ACACA: variants seen among roughly 807,000 people sequenced by gnomAD.
The protein encoded by ACACA is acetyl-CoA carboxylase 1.
In ACACA, 103 loss-of-function variants were observed where a neutral mutation model predicts 296.1. That is an observed-to-expected ratio of 0.35 (90% confidence interval 0.30 to 0.41). The LOEUF is 0.41. ACACA is among the 10% of genes least tolerant of loss of function. ACACA has a pLI of 1.00. For synonymous variants in ACACA, 953 were observed against 1,038.6 expected (o/e 0.92, Z 1.58); for missense variants, 1,554 against 2,989.7 (o/e 0.52, Z 11.20).
chr17:37,108,737 G>C (rs1567669682), intron 52 of ACACA, among the ~76,000 whole-genome samples: 1 of 152,150 alleles, frequency 6.6e-6, no homozygotes, highest in Non-Finnish European at 1.5e-5. Context: ...GTTTGTCTAA[G>C]TGATCTGTGA....
chr17:37,390,175 T>TATATATATATATATATATACAC (rs60788220), intron 1 of ACACA, among the ~76,000 whole-genome samples: 4 of 44,504 alleles, frequency 9.0e-5, no homozygotes, highest in Non-Finnish European at 1.4e-4. Context: ...TATATATATA[T>TATATATATATATATATATACAC]ACACACACAC....
intron 52 of ACACA, among the ~76,000 whole-genome samples, chr17:37,105,864 C>CAAA (rs61529137): frequency 8.7e-6 from 1 of 115,520 alleles, no homozygotes. Context: ...AACTCTGTCT[C>CAAA]AAAAAAAAAA....
At chr17:37,275,805 T>C (rs1308659125) in intron 8 of ACACA, 146 bp downstream of exon 8, 3 of 743,630 alleles carry the variant, frequency 4.0e-6, no homozygotes, top group Non-Finnish European at 2.4e-6. Context: ...GGTGTATTAA[T>C]TAAGCTAGGA....
intron 26 of ACACA, chr17:37,225,623 T>G (rs1414069337): frequency 4.5e-5 from 8 of 176,926 alleles, no homozygotes; most frequent in Non-Finnish European, 7.2e-5. Context: ...GCAGAGAGAG[T>G]GAAAGCAGTG....
At chr17:37,114,395 T>C (rs535499963) in intron 50 of ACACA, among the ~76,000 whole-genome samples, 3 of 151,342 alleles carry the variant, frequency 2.0e-5, no homozygotes, top group African/African-American at 7.3e-5. Context: ...TAGCAAAACA[T>C]GGTGGCACAT....
intron 1 of ACACA, among the ~76,000 whole-genome samples, chr17:37,392,905 G>A (rs2050941268): frequency 6.6e-6 from 1 of 152,124 alleles, no homozygotes; most frequent in African/African-American, 2.4e-5. Flanking sequence ...CACTTTGGGA[G>A]GCCAAGGTGG....
chr17:37,152,091 G>A (rs1434673720), intron 43 of ACACA, among the ~76,000 whole-genome samples: 14 of 152,168 alleles, frequency 9.2e-5, no homozygotes, highest in African/African-American at 3.1e-4. Flanking sequence ...CACCGCGCCC[G>A]GCCAAGCAGA....
chr17:37,194,145 C>T (rs1160007490), intron 35 of ACACA, among the ~76,000 whole-genome samples: 5 of 151,822 alleles, frequency 3.3e-5, no homozygotes, highest in Non-Finnish European at 7.4e-5. Flanking sequence ...TGCCAAATAC[C>T]CCTGTTTCTC....
chr17:37,171,030 A>G (rs975160981), intron 41 of ACACA, among the ~76,000 whole-genome samples: 3 of 152,216 alleles, frequency 2.0e-5, no homozygotes, highest in Non-Finnish European at 4.4e-5. Context: ...CCTTTCTTAC[A>G]TCTCCACACT....
intron 3 of ACACA, among the ~76,000 whole-genome samples, chr17:37,311,451 T>C (rs898815143): frequency 1.3e-5 from 2 of 151,680 alleles, no homozygotes; most frequent in Non-Finnish European, 2.9e-5. Context: ...CATACATACA[T>C]ATGCATGAAG....
chr17:37,284,768 G>C (rs1598400680), intron 4 of ACACA, 70 bp downstream of exon 4: 16 of 1,605,080 alleles, frequency 1.0e-5, no homozygotes, highest in Non-Finnish European at 1.4e-5. Context: ...AGCAAATCTA[G>C]ACAACAAATC....
chr17:37,095,329 A>T (rs1415603025), intron 54 of ACACA, among the ~76,000 whole-genome samples: 1 of 152,268 alleles, frequency 6.6e-6, no homozygotes, highest in Non-Finnish European at 1.5e-5. Flanking sequence ...CTCAATTATG[A>T]TGCCACAGAC....
intron 1 of ACACA, among the ~76,000 whole-genome samples, chr17:37,370,484 TAA>T (rs772679026): frequency 2.2e-4 from 17 of 76,268 alleles, no homozygotes; most frequent in Admixed American, 7.8e-4. Flanking sequence ...TAGTCTCTAC[TAA>T]AAAAAAAAAA....
intron 3 of ACACA, among the ~76,000 whole-genome samples, chr17:37,323,672 G>A (rs898618996): frequency 6.6e-5 from 10 of 152,146 alleles, no homozygotes; most frequent in Admixed American, 1.3e-4. Flanking sequence ...GGAAGGAGGT[G>A]GATTTTTAAA....
chr17:37,378,749 C>G (rs963402291), intron 1 of ACACA, among the ~76,000 whole-genome samples: 7 of 152,008 alleles, frequency 4.6e-5, no homozygotes, highest in Admixed American at 3.3e-4. Context: ...CCATTGCACT[C>G]TAGCCTGGAC....
intron 42 of ACACA, among the ~76,000 whole-genome samples, chr17:37,156,930 G>A (rs189988902): frequency 1.8e-4 from 28 of 152,324 alleles, no homozygotes; most frequent in African/African-American, 6.5e-4. Context: ...TCATTAGTAT[G>A]TCAGTCAGTA....
At chr17:37,302,012 G>C (rs983351079) in intron 3 of ACACA, among the ~76,000 whole-genome samples, 1 of 150,958 alleles carries the variant, frequency 6.6e-6, no homozygotes, top group African/African-American at 2.4e-5. Context: ...ATGGAGTCTC[G>C]CTCTGTCTCC....
chr17:37,352,903 T>C (rs1028799998), intron 1 of ACACA, among the ~76,000 whole-genome samples: 2 of 152,206 alleles, frequency 1.3e-5, no homozygotes, highest in Non-Finnish European at 2.9e-5. Context: ...TACAACATCC[T>C]ATGCAGTTTT....
chr17:37,094,191 C>T (rs1052888199), intron 54 of ACACA, among the ~76,000 whole-genome samples: 1 of 152,190 alleles, frequency 6.6e-6, no homozygotes, highest in Non-Finnish European at 1.5e-5. Flanking sequence ...TGCAGTGAAA[C>T]TATGAACCAT....
Sources: allele counts gnomAD v4.1 joint callset (sites outside exome capture counted in the v4.1 genomes callset), GRCh38; gene constraint gnomAD v4.1.1; transcripts MANE v1.5; gene names NCBI Gene and HGNC (gene_info 2026-07-23, HGNC 2026-07-21).